The following NRXN3 variants were observed in gnomAD, a reference collection of about 807,000 sequenced individuals.
NRXN3 encodes the protein neurexin 3.
In NRXN3, 32 loss-of-function variants were observed where a neutral mutation model predicts 137.6. That is an observed-to-expected ratio of 0.23 (90% CI 0.18 to 0.31). NRXN3 has a LOEUF of 0.31. Ranked by LOEUF, NRXN3 falls within the 10% of genes least tolerant of loss-of-function variation. NRXN3 has a pLI of 1.00. For synonymous variants in NRXN3, 798 were observed against 784.5 expected, an observed-to-expected ratio of 1.02 and a Z score of -0.29; for missense variants, 1,574 against 2,062.5, an observed-to-expected ratio of 0.76 and a Z score of 4.59.
At chr14:79,382,806 A>C (rs1016548683) in intron 15 of NRXN3, among the ~76,000 whole-genome samples, 12 of 152,174 alleles carry the variant, frequency 7.9e-5, no homozygotes, top group Admixed American at 2.0e-4. Flanking sequence ...AACAAGCATC[A>C]ATATTTACAA....
At chr14:79,540,323 TG>T (rs777288223) in intron 16 of NRXN3, among the ~76,000 whole-genome samples, 1 of 152,090 alleles carries the variant, frequency 6.6e-6, no homozygotes, top group Non-Finnish European at 1.5e-5. Context: ...TATATATTTA[TG>T]GGGCACAGTG....
At position 79,777,944 on chromosome 14, in the gene NRXN3, A is replaced by T. The variant is rs113606848; in HGVS notation, c.4015-27168A>T. 1.0e-3 allele frequency among the ~76,000 whole-genome samples: 158 copies of T among 152,114 alleles called. 1 individual carries two copies. The highest frequency in any genetic ancestry group is 3.4e-3 in the African/African-American group (141 of 41,532). On this transcript the variant is annotated intron_variant, in intron 19 of 20. Coordinates refer to ENST00000335750, the MANE Select transcript of NRXN3 (RefSeq NM_001330195.2). ...CAAGATTTTACAGAAAAAAAAAAAA[A>T]TGAGACCTTCTCTTGAAAACTACCA...
At chr14:79,318,433 C>G (rs1002988705) in intron 15 of NRXN3, among the ~76,000 whole-genome samples, 1 of 134,046 alleles carries the variant, frequency 7.5e-6, no homozygotes, top group Non-Finnish European at 1.7e-5. Flanking sequence ...TTCTTAGGTC[C>G]AATGCTAGGA....
At chr14:78,544,974 T>A (rs1043449894) in intron 4 of NRXN3, among the ~76,000 whole-genome samples, 1 of 152,208 alleles carries the variant, frequency 6.6e-6, no homozygotes, top group African/African-American at 2.4e-5. Flanking sequence ...AGCATTCTTT[T>A]GTTATTGCAC....
At chr14:78,734,736 G>A (rs1168621041) in intron 8 of NRXN3, among the ~76,000 whole-genome samples, 1 of 152,164 alleles carries the variant, frequency 6.6e-6, no homozygotes, top group Non-Finnish European at 1.5e-5. Context: ...AGTCTTCTAG[G>A]CAGAAGGTTG....
At chr14:78,743,235 C>T (rs1399792455) in intron 8 of NRXN3, among the ~76,000 whole-genome samples, 1 of 152,166 alleles carries the variant, frequency 6.6e-6, no homozygotes, top group Non-Finnish European at 1.5e-5. Flanking sequence ...ACTTTATCTA[C>T]TTTGTTCATA....
At chr14:78,951,849 A>G (rs1287310624) in intron 10 of NRXN3, among the ~76,000 whole-genome samples, 1 of 152,186 alleles carries the variant, frequency 6.6e-6, no homozygotes, top group African/African-American at 2.4e-5. Flanking sequence ...ACAGTATTCT[A>G]TTAATACCCT....
intron 4 of NRXN3, among the ~76,000 whole-genome samples, chr14:78,506,924 A>G (rs1243192583): frequency 6.6e-6 from 1 of 151,978 alleles, no homozygotes; most frequent in African/African-American, 2.4e-5. Context: ...GTGTTTTTGG[A>G]GAAATATCTG....
At chr14:78,646,682 A>G (rs1601830008) in intron 5 of NRXN3, among the ~76,000 whole-genome samples, 1 of 152,248 alleles carries the variant, frequency 6.6e-6, no homozygotes, top group South Asian at 2.1e-4. Flanking sequence ...CATTTATCTC[A>G]GGTAAAAATG....
intron 16 of NRXN3, among the ~76,000 whole-genome samples, chr14:79,523,473 GA>G (rs75614430): frequency 6.6e-6 from 1 of 151,776 alleles, no homozygotes; most frequent in Admixed American, 6.6e-5. Flanking sequence ...TGTAGTGATG[GA>G]AAAAAAATCT....
chr14:78,530,874 A>T (rs2096452558), intron 4 of NRXN3, among the ~76,000 whole-genome samples: 1 of 152,052 alleles, frequency 6.6e-6, no homozygotes, highest in African/African-American at 2.4e-5. Flanking sequence ...CATTGTCCCC[A>T]CCCCTGCCTT....
chr14:79,427,388 T>G (rs2095670106), intron 15 of NRXN3, among the ~76,000 whole-genome samples: 1 of 152,160 alleles, frequency 6.6e-6, no homozygotes, highest in African/African-American at 2.4e-5. Context: ...TGAGTTCCAT[T>G]TTTAAGTTTT....
At chr14:79,171,932 A>G (rs1394851921) in intron 15 of NRXN3, among the ~76,000 whole-genome samples, 1 of 152,124 alleles carries the variant, frequency 6.6e-6, no homozygotes, top group Non-Finnish European at 1.5e-5. Flanking sequence ...AAGTAAATGT[A>G]ATACCCCAGT....
intron 8 of NRXN3, among the ~76,000 whole-genome samples, chr14:78,719,887 G>A (rs182486243): frequency 4.6e-5 from 7 of 152,160 alleles, no homozygotes; most frequent in East Asian, 1.9e-4. Context: ...GGCAGATACC[G>A]TTAGTGTTAC....
chr14:78,293,461 C>T (rs1405845086), intron 3 of NRXN3, among the ~76,000 whole-genome samples: 1 of 152,194 alleles, frequency 6.6e-6, no homozygotes, highest in Non-Finnish European at 1.5e-5. Flanking sequence ...TCCCCCTACT[C>T]CATCCCACCT....
chr14:78,737,415 A>G (rs1452140179), intron 8 of NRXN3, among the ~76,000 whole-genome samples: 4 of 152,108 alleles, frequency 2.6e-5, no homozygotes, highest in African/African-American at 7.2e-5. Flanking sequence ...AACACTAAAA[A>G]TCTGTTCAGC....
intron 16 of NRXN3, among the ~76,000 whole-genome samples, chr14:79,565,071 A>C (rs118022212): frequency 2.6e-5 from 4 of 152,038 alleles, no homozygotes; most frequent in African/African-American, 9.7e-5. Context: ...ATTTAAACCA[A>C]GCAGCATCAG....
At chr14:78,979,135 C>G (rs796187079) in intron 14 of NRXN3, among the ~76,000 whole-genome samples, 1 of 152,076 alleles carries the variant, frequency 6.6e-6, no homozygotes, top group African/African-American at 2.4e-5. Flanking sequence ...GCTTTATTCT[C>G]TTCACCAGTT....
intron 16 of NRXN3, among the ~76,000 whole-genome samples, chr14:79,604,947 G>A (rs372382769): frequency 2.0e-5 from 3 of 152,032 alleles, no homozygotes; most frequent in Non-Finnish European, 4.4e-5. Context: ...CAGGAGAATC[G>A]CTTGAACCCA....
Sources: allele counts gnomAD v4.1 joint callset (sites outside exome capture counted in the v4.1 genomes callset), GRCh38; gene constraint gnomAD v4.1.1; transcripts MANE v1.5; gene names NCBI Gene and HGNC (gene_info 2026-07-23, HGNC 2026-07-21).